ZDHHC9: variants seen among roughly 807,000 people sequenced by gnomAD.
The protein encoded by ZDHHC9 is zDHHC palmitoyltransferase 9, also known as palmitoyltransferase ZDHHC9.
A neutral mutation model predicts 26.6 loss-of-function variants in ZDHHC9; 3 were observed. The ratio of observed to expected loss-of-function variants is 0.11; its 90% CI spans 0.05 to 0.29. The LOEUF (loss-of-function observed/expected upper bound fraction) is 0.29. Among genes scored for constraint, ZDHHC9 ranks in the 10% least tolerant of loss-of-function variants. The pLI, the probability that ZDHHC9 is intolerant of heterozygous loss-of-function variation, is 1.00. For synonymous variants in ZDHHC9, 111 were observed against 109.4 expected (o/e 1.01, Z -0.09); for missense variants, 146 against 296.4 (o/e 0.49, Z 3.73).
intron 8 of ZDHHC9, among the ~76,000 whole-genome samples, chrX:129,811,759 G>A (rs775842982): frequency 1.9e-4 from 21 of 110,719 alleles, no homozygotes; most frequent in East Asian, 8.5e-4. Flanking sequence ...CCCATTGATC[G>A]CCAGGGTTGA....
intron 4 of ZDHHC9, among the ~76,000 whole-genome samples, chrX:129,825,900 A>T (rs1448159863): frequency 9.0e-6 from 1 of 111,658 alleles, no homozygotes; most frequent in Non-Finnish European, 1.9e-5. Context: ...TCAGAGAAGT[A>T]GAACTACTGG....
intron 5 of ZDHHC9, among the ~76,000 whole-genome samples, chrX:129,821,303 T>C (rs1182433555): frequency 9.3e-6 from 1 of 108,028 alleles, no homozygotes; most frequent in Non-Finnish European, 1.9e-5. Flanking sequence ...CTTCTTTTTT[T>C]TTTTTTTGAG....
chrX:129,814,410 G>C (rs1179313923), intron 6 of ZDHHC9, among the ~76,000 whole-genome samples: 1 of 112,077 alleles, frequency 8.9e-6, no homozygotes, highest in East Asian at 2.8e-4. Flanking sequence ...TCTGGATACA[G>C]ACCAGTAATT....
At chrX:129,825,549 G>A (rs759634317) in intron 4 of ZDHHC9, among the ~76,000 whole-genome samples, 8 of 110,288 alleles carry the variant, frequency 7.3e-5, no homozygotes, top group Non-Finnish European at 1.5e-4. Flanking sequence ...CATCATATAC[G>A]TGTACTATGA....
chrX:129,837,592 T>C (rs1928289581), intron 3 of ZDHHC9, among the ~76,000 whole-genome samples: 1 of 112,393 alleles, frequency 8.9e-6, no homozygotes, highest in Non-Finnish European at 1.9e-5. Flanking sequence ...TCTGCCAATA[T>C]ATACATCAAA....
At chrX:129,838,139 T>C (rs949886271) in intron 3 of ZDHHC9, among the ~76,000 whole-genome samples, 1 of 112,508 alleles carries the variant, frequency 8.9e-6, no homozygotes, top group Non-Finnish European at 1.9e-5. Flanking sequence ...CTTTAAGCAT[T>C]ATACCATTTT....
chrX:129,806,400 T>TGGCTCTGGG lies in ZDHHC9; in HGVS notation c.1056_1064dup (p.Glu354_Pro356dup). 8.3e-7 allele frequency: 1 copy of TGGCTCTGGG among 1,211,662 alleles called. No individual in the cohort carries two copies. The highest frequency in any genetic ancestry group is 1.1e-6 in the Non-Finnish European group (1 of 895,287). ...TCTCAGCTTCAGCTGCCTCCTGTGG[T>TGGCTCTGGG]GGCTCTGGGGGCTCTGGAGGTGGCA... On this transcript the variant is annotated inframe_insertion, in exon 11 of 11. Transcript: ENST00000357166.
At position 129,843,684 on chromosome X, in the gene ZDHHC9, A is replaced by AC. The variant is rs1928438569; in HGVS notation, c.-204+11dup. 2.6e-5 allele frequency: 1 copy of AC among 38,519 alleles called. No individual in the cohort carries two copies. The highest frequency in any genetic ancestry group is 5.1e-5 in the Non-Finnish European group (1 of 19,453). 3.2% of individuals were successfully genotyped at this position (38,519 alleles called of 1,213,427 possible). A position where few individuals can be genotyped will look rare whatever the true frequency, so the allele number is the denominator to read the frequency against. ...CCGAGCCCAGGAGACCCCCGCCCCCACCCCTCGTTACCTGAACCACGGAGA... is the reference window on the plus strand; with the variant it reads ...CCGAGCCCAGGAGACCCCCGCCCCCACCCCCTCGTTACCTGAACCACGGAGA... On this transcript the variant is annotated intron_variant, in intron 1 of 10. Coordinates refer to ENST00000357166, the MANE Select transcript of ZDHHC9 (RefSeq NM_016032.4).
intron 3 of ZDHHC9, among the ~76,000 whole-genome samples, chrX:129,841,125 A>C (rs982581059): frequency 1.8e-5 from 2 of 111,835 alleles, no homozygotes; most frequent in Non-Finnish European, 3.8e-5. Flanking sequence ...CACAGACTTC[A>C]AACAGTGGCT....
At chrX:129,834,664 G>A (rs1394417190) in intron 3 of ZDHHC9, among the ~76,000 whole-genome samples, 2 of 111,430 alleles carry the variant, frequency 1.8e-5, no homozygotes, top group Non-Finnish European at 3.8e-5. Context: ...ATATACCCCT[G>A]CTCGAGAACT....
chrX:129,820,957 G>A (rs1266017449), intron 5 of ZDHHC9, among the ~76,000 whole-genome samples: 1 of 110,700 alleles, frequency 9.0e-6, no homozygotes, highest in African/African-American at 3.3e-5. Context: ...GCCCCGGTGT[G>A]TGTTGTTCCC....
chrX:129,811,624 A>G (rs749761367), intron 8 of ZDHHC9, 115 bp from the exon 9 acceptor site: 351 of 617,249 alleles, frequency 5.7e-4, no homozygotes, highest in Non-Finnish European at 6.2e-4. Context: ...TGTTGAAGAA[A>G]CACATGCAGC....
At chrX:129,815,166 C>G (rs1245305449) in intron 5 of ZDHHC9, among the ~76,000 whole-genome samples, 2 of 110,777 alleles carry the variant, frequency 1.8e-5, no homozygotes, top group Admixed American at 1.9e-4. Context: ...GTCAAAATAG[C>G]CAAGGAAAAA....
chrX:129,832,275 C>T (rs769090523), intron 3 of ZDHHC9, among the ~76,000 whole-genome samples: 15 of 110,821 alleles, frequency 1.4e-4, no homozygotes, highest in East Asian at 5.7e-4. Flanking sequence ...GAATAAGCTA[C>T]GTGAAAGTTT....
chrX:129,816,797 T>G (rs1015649082), intron 5 of ZDHHC9, among the ~76,000 whole-genome samples: 2 of 111,651 alleles, frequency 1.8e-5, no homozygotes, highest in Non-Finnish European at 3.8e-5. Flanking sequence ...CTTGTACCCC[T>G]TTGGTAGAAT....
intron 10 of ZDHHC9, among the ~76,000 whole-genome samples, chrX:129,809,970 C>T (rs1252627997): frequency 1.3e-5 from 1 of 78,037 alleles, no homozygotes; most frequent in Non-Finnish European, 2.3e-5. Context: ...GCCTGGGTGA[C>T]AGAGCGAGAC....
rs974348050 is a variant in ZDHHC9 at position 129,828,962 on chromosome X, A to T, written c.328+19T>A. Reference sequence around the variant, plus strand: ...GCCACCCACTACACAGCAGCTTGCCAGCTGGTTGGAAGACTCACCTATCTC... The same window carrying T: ...GCCACCCACTACACAGCAGCTTGCCTGCTGGTTGGAAGACTCACCTATCTC... On this transcript the variant is annotated intron_variant, in intron 4 of 10. Transcript: ENST00000357166. 3 of 1,209,656 alleles carry T rather than the reference A, an allele frequency of 2.5e-6. No homozygotes were observed. In the African/African-American group the frequency reaches 5.2e-5, roughly 21 times the overall value.
chrX:129,820,365 A>G (rs1262152532), intron 5 of ZDHHC9, among the ~76,000 whole-genome samples: 2 of 108,337 alleles, frequency 1.8e-5, no homozygotes, highest in Non-Finnish European at 3.8e-5. Flanking sequence ...GGGCTGCTTG[A>G]GCCCAGGAGT....
chrX:129,838,682 A>T (rs1165043528), intron 3 of ZDHHC9, among the ~76,000 whole-genome samples: 2 of 102,797 alleles, frequency 1.9e-5, no homozygotes, highest in Non-Finnish European at 3.8e-5. Flanking sequence ...AATAAATAAA[A>T]AATAAAAAAT....
Sources: allele counts gnomAD v4.1 joint callset (sites outside exome capture counted in the v4.1 genomes callset), GRCh38; gene constraint gnomAD v4.1.1; transcripts MANE v1.5; gene names NCBI Gene and HGNC (gene_info 2026-07-23, HGNC 2026-07-21).